Variants in ADAMTS12 observed in about 807,000 individuals in gnomAD.
The protein encoded by ADAMTS12 is ADAM metallopeptidase with thrombospondin type 1 motif 12.
A neutral mutation model predicts 167.8 loss-of-function variants in ADAMTS12; 118 were observed. That is an observed-to-expected ratio of 0.70 (90% CI 0.61 to 0.82). The LOEUF is 0.82. ADAMTS12 is among the 40% of genes least tolerant of loss of function. The pLI is 0.00. For missense variants in ADAMTS12, 1,916 were observed against 1,998.8 expected (o/e 0.96, Z 0.79); for synonymous variants, 704 against 716.9 (o/e 0.98, Z 0.29).
chr5:33,697,276 ACCAT>A (rs1742815103), intron 3 of ADAMTS12, among the ~76,000 whole-genome samples: 1 of 152,232 alleles, frequency 6.6e-6, no homozygotes, highest in Non-Finnish European at 1.5e-5. Flanking sequence ...GAAGACAAAA[ACCAT>A]CCATAAGAAA....
intron 2 of ADAMTS12, among the ~76,000 whole-genome samples, chr5:33,838,037 A>G (rs1748601380): frequency 6.6e-6 from 1 of 152,156 alleles, no homozygotes; most frequent in African/African-American, 2.4e-5. Flanking sequence ...ACTGTCATGA[A>G]GAATAGCACT....
rs544707703 is a variant in ADAMTS12, at chr5:33,742,094, G to T, written c.634+9310C>A. Among the ~76,000 whole-genome samples, 56 of 152,208 alleles carry T rather than the reference G, an allele frequency of 3.7e-4. No individual in the cohort carries two copies. In the South Asian group the frequency reaches 0.011, roughly 31 times the overall value. The stretch of plus-strand genomic sequence containing the variant: ...CAGGGTCTAATTTGACAGGTTCAGA[G>T]CTGTGTCCCTTAGTATCTGACAAAT... On this transcript the variant is annotated intron_variant, in intron 3 of 23. Coordinates refer to ENST00000504830, the MANE Select transcript of ADAMTS12 (RefSeq NM_030955.4).
chr5:33,529,996 T>C (rs1011458152), intron 23 of ADAMTS12, among the ~76,000 whole-genome samples: 1 of 152,186 alleles, frequency 6.6e-6, no homozygotes, highest in African/African-American at 2.4e-5. Flanking sequence ...CTCGGCTCAC[T>C]GCAACCTCTG....
chr5:33,736,249 G>A (rs1039191015), intron 3 of ADAMTS12, among the ~76,000 whole-genome samples: 11 of 151,986 alleles, frequency 7.2e-5, no homozygotes, highest in African/African-American at 2.7e-4. Flanking sequence ...TTTTAGTAGT[G>A]ATGGGGTTTC....
chr5:33,582,682 G>A lies in ADAMTS12; in HGVS notation c.2866-5522C>T, dbSNP rs183356109. On this transcript the variant is annotated intron_variant, in intron 18 of 23. Transcript: ENST00000504830. ...TTTTGTTTGTGTGTTTTTGTCAGGC[G>A]CAGGAAGGGCCAGTTAAAGATCTTC... Among the ~76,000 whole-genome samples, 12 of 152,228 alleles carry A rather than the reference G, an allele frequency of 7.9e-5. No homozygotes were observed. The East Asian group carries it at 1.7e-3, about 22-fold the overall frequency.
intron 3 of ADAMTS12, among the ~76,000 whole-genome samples, chr5:33,713,755 C>T (rs1269027066): frequency 6.6e-6 from 1 of 152,084 alleles, no homozygotes; most frequent in East Asian, 1.9e-4. Flanking sequence ...AAAGTTGGCT[C>T]TAGTTCTTGC....
chr5:33,653,185 G>C (rs890097053), intron 7 of ADAMTS12, among the ~76,000 whole-genome samples: 15 of 152,062 alleles, frequency 9.9e-5, no homozygotes, highest in Non-Finnish European at 1.6e-4. Flanking sequence ...TTATCAAGTT[G>C]AGGAAATTTC....
chr5:33,704,390 T>A (rs1743111432), intron 3 of ADAMTS12, among the ~76,000 whole-genome samples: 1 of 152,204 alleles, frequency 6.6e-6, no homozygotes, highest in Non-Finnish European at 1.5e-5. Flanking sequence ...GATTAAATGG[T>A]AATTCTATTT....
At chr5:33,874,757 T>C (rs1312573528) in intron 2 of ADAMTS12, among the ~76,000 whole-genome samples, 2 of 152,014 alleles carry the variant, frequency 1.3e-5, no homozygotes, top group Non-Finnish European at 2.9e-5. Context: ...TAAAAAGAAA[T>C]GAGCTTTCAA....
chr5:33,768,568 T>C (rs938937712), intron 2 of ADAMTS12, among the ~76,000 whole-genome samples: 1 of 152,198 alleles, frequency 6.6e-6, no homozygotes, highest in African/African-American at 2.4e-5. Context: ...TATGTAATGA[T>C]TGTACAGAAT....
Position 33,561,035 on chromosome 5 carries a change from A to C in ADAMTS12, c.4117T>G (p.Trp1373Gly). The change falls in exon 20 of 24, where the codon TGG becomes GGG. Residue 1373 changes from tryptophan (W) to glycine (G), a missense_variant. Trp to Gly is a radical substitution (Grantham distance 184). Coordinates refer to ENST00000504830, the MANE Select transcript of ADAMTS12 (RefSeq NM_030955.4). The part of the protein sequence containing the change: ...RPCAGWKVGN[W>G]SKCSRNCSGG... ...CAAGCCTGATAAGTTACCTTGCTCC[A>C]GTTTCCCACTTTCCAGCCAGCACAG... 6.2e-7 allele frequency: 1 copy of C among 1,613,942 alleles called. No individual in the cohort carries two copies.
intron 13 of ADAMTS12, among the ~76,000 whole-genome samples, chr5:33,629,189 T>G (rs545369422): frequency 1.2e-4 from 19 of 152,340 alleles, no homozygotes; most frequent in South Asian, 4.1e-4. Flanking sequence ...CTTTTAGATC[T>G]AAATACCTTT....
At chr5:33,594,732 T>C (rs1007975240) in intron 17 of ADAMTS12, among the ~76,000 whole-genome samples, 4 of 152,182 alleles carry the variant, frequency 2.6e-5, no homozygotes, top group African/African-American at 4.8e-5. Context: ...AGCTCCTACC[T>C]AGAAAAAGCC....
chr5:33,589,649 T>C (rs1561150388), intron 17 of ADAMTS12, among the ~76,000 whole-genome samples: 1 of 152,158 alleles, frequency 6.6e-6, no homozygotes, highest in Non-Finnish European at 1.5e-5. Flanking sequence ...TTGAGTGTCT[T>C]CACCCAGTGT....
intron 18 of ADAMTS12, among the ~76,000 whole-genome samples, chr5:33,584,941 T>C (rs998352598): frequency 3.9e-5 from 6 of 152,222 alleles, no homozygotes; most frequent in East Asian, 1.9e-4. Context: ...AGAACTAAGA[T>C]GGTTTCTCCA....
rs10060901 is a variant in ADAMTS12 at position 33,540,319 on chromosome 5, C to T, written c.4447-5327G>A. Reference sequence around the variant, plus strand: ...AAGTGGCCAGGAAGCTCGAACTGGGCGGAGCCCACCACAGCTCAGCACGGC... The same window carrying T: ...AAGTGGCCAGGAAGCTCGAACTGGGTGGAGCCCACCACAGCTCAGCACGGC... On this transcript the variant is annotated intron_variant, in intron 22 of 23. Transcript: ENST00000504830. Among the ~76,000 whole-genome samples the T allele has an allele frequency of 7.6e-3, 1,164 of 152,350 alleles. 13 individuals carry two copies. Among genetic ancestry groups the T allele is most frequent in the African/African-American group, 0.026 (1,096 of 41,586 alleles).
At chr5:33,793,244 T>C (rs1746643414) in intron 2 of ADAMTS12, among the ~76,000 whole-genome samples, 2 of 152,216 alleles carry the variant, frequency 1.3e-5, no homozygotes, top group South Asian at 4.1e-4. Flanking sequence ...CTCTAACTAT[T>C]TGGGACCATG....
At chr5:33,566,989 C>T (rs1196060653) in intron 19 of ADAMTS12, among the ~76,000 whole-genome samples, 1 of 152,146 alleles carries the variant, frequency 6.6e-6, no homozygotes, top group Non-Finnish European at 1.5e-5. Flanking sequence ...ATGACTGCAC[C>T]ATCCTCTACC....
In ADAMTS12 at chr5:33,567,252, C is replaced by T. The variant is rs187953304; in HGVS notation, c.3973-6073G>A. On this transcript the variant is annotated intron_variant, in intron 19 of 23. Coordinates refer to ENST00000504830, the MANE Select transcript of ADAMTS12 (RefSeq NM_030955.4). The stretch of plus-strand genomic sequence containing the variant: ...CCTACTCTTTCATATTCTGTTTGAC[C>T]TAGGCTGTCTTATTCTCATGGCCTA... 1.7e-4 allele frequency among the ~76,000 whole-genome samples: 26 copies of T among 152,244 alleles called. No individual in the cohort carries two copies. In the East Asian group the frequency reaches 3.5e-3, roughly 20 times the overall value.
Sources: allele counts gnomAD v4.1 joint callset (sites outside exome capture counted in the v4.1 genomes callset), GRCh38; gene constraint gnomAD v4.1.1; transcripts MANE v1.5; gene names NCBI Gene and HGNC (gene_info 2026-07-23, HGNC 2026-07-21).